ST6GALNAC3: variants seen among roughly 807,000 people sequenced by gnomAD.
The protein encoded by ST6GALNAC3 is alpha-N-acetylgalactosaminide alpha-2,6-sialyltransferase 3.
A neutral mutation model predicts 32.7 loss-of-function variants in ST6GALNAC3; 25 were observed. The observed-to-expected ratio is 0.76, with a 90% CI of 0.56 to 1.07. The LOEUF (loss-of-function observed/expected upper bound fraction) is 1.07. Among genes scored for constraint, ST6GALNAC3 ranks in the 50% least tolerant of loss-of-function variants. ST6GALNAC3 has a pLI of 0.00. For synonymous variants in ST6GALNAC3, 129 were observed against 133.1 expected, an observed-to-expected ratio of 0.97 and a Z score of 0.21; for missense variants, 355 against 382.4, an observed-to-expected ratio of 0.93 and a Z score of 0.60.
intron 2 of ST6GALNAC3, among the ~76,000 whole-genome samples, chr1:76,380,042 C>A (rs149014076): frequency 6.6e-6 from 1 of 152,038 alleles, no homozygotes; most frequent in Non-Finnish European, 1.5e-5. Context: ...AAACATATGG[C>A]AGCTAAGTCA....
intron 3 of ST6GALNAC3, among the ~76,000 whole-genome samples, chr1:76,454,783 A>C (rs764249799): frequency 6.6e-6 from 1 of 152,128 alleles, no homozygotes; most frequent in Non-Finnish European, 1.5e-5. Context: ...TTTTTGCAAT[A>C]AATTTCTCAG....
At chr1:76,209,262 G>A (rs1487243276) in intron 1 of ST6GALNAC3, among the ~76,000 whole-genome samples, 2 of 152,164 alleles carry the variant, frequency 1.3e-5, no homozygotes, top group Non-Finnish European at 2.9e-5. Context: ...TGAAGCCCCT[G>A]AGCTTATGCT....
chr1:76,559,079 G>C (rs908562465), intron 3 of ST6GALNAC3, among the ~76,000 whole-genome samples: 2 of 152,040 alleles, frequency 1.3e-5, no homozygotes, highest in African/African-American at 4.8e-5. Flanking sequence ...AAAATGCATA[G>C]ATAATATATC....
chr1:76,237,319 A>T (rs1656713526), intron 1 of ST6GALNAC3, among the ~76,000 whole-genome samples: 1 of 152,150 alleles, frequency 6.6e-6, no homozygotes, highest in South Asian at 2.1e-4. Flanking sequence ...TTTTCAGTAA[A>T]GGCAGTGTTT....
intron 1 of ST6GALNAC3, among the ~76,000 whole-genome samples, chr1:76,274,457 C>T (rs909747250): frequency 5.3e-5 from 8 of 152,158 alleles, no homozygotes; most frequent in African/African-American, 1.9e-4. Context: ...AGGCATTTCA[C>T]TTTGCTCAAC....
intron 1 of ST6GALNAC3, among the ~76,000 whole-genome samples, chr1:76,090,225 T>C (rs186453084): frequency 9.8e-5 from 15 of 152,358 alleles, no homozygotes; most frequent in African/African-American, 3.1e-4. Context: ...AAACTGATTA[T>C]CTTTTAAAAG....
At chr1:76,474,440 C>T (rs1245690485) in intron 3 of ST6GALNAC3, among the ~76,000 whole-genome samples, 4 of 152,088 alleles carry the variant, frequency 2.6e-5, no homozygotes, top group Non-Finnish European at 5.9e-5. Context: ...ATTACTATGA[C>T]ACTCTGTTTC....
At chr1:76,542,522 C>T (rs1557550364) in intron 3 of ST6GALNAC3, among the ~76,000 whole-genome samples, 2 of 152,160 alleles carry the variant, frequency 1.3e-5, no homozygotes, top group Admixed American at 6.5e-5. Flanking sequence ...CATCAGGCCT[C>T]AGCTACATGG....
intron 1 of ST6GALNAC3, among the ~76,000 whole-genome samples, chr1:76,104,222 G>A (rs1473639220): frequency 6.6e-6 from 1 of 152,068 alleles, no homozygotes; most frequent in Non-Finnish European, 1.5e-5. Context: ...CAGTATATTC[G>A]TACAATTTTT....
At chr1:76,107,098 G>T (rs1218368736) in intron 1 of ST6GALNAC3, among the ~76,000 whole-genome samples, 2 of 152,192 alleles carry the variant, frequency 1.3e-5, no homozygotes, top group African/African-American at 4.8e-5. Context: ...GTGGGGTTGG[G>T]TTGGTCATGG....
chr1:76,545,915 T>C (rs1281480335), intron 3 of ST6GALNAC3, among the ~76,000 whole-genome samples: 1 of 152,226 alleles, frequency 6.6e-6, no homozygotes, highest in Admixed American at 6.5e-5. Context: ...CGCCTCAGCC[T>C]TCCAAAGTGC....
chr1:76,415,307 G>A (rs1372007555), intron 3 of ST6GALNAC3, among the ~76,000 whole-genome samples: 1 of 148,160 alleles, frequency 6.7e-6, no homozygotes, highest in Non-Finnish European at 1.5e-5. Context: ...TATTAGGATT[G>A]CACAATGGTG....
intron 3 of ST6GALNAC3, among the ~76,000 whole-genome samples, chr1:76,504,872 T>G (rs1393101066): frequency 1.3e-5 from 2 of 152,186 alleles, no homozygotes; most frequent in Admixed American, 6.5e-5. Context: ...TCACATGCAC[T>G]GTCATTTTTT....
At chr1:76,157,893 T>G (rs72674453) in intron 1 of ST6GALNAC3, among the ~76,000 whole-genome samples, 54 of 152,336 alleles carry the variant, frequency 3.5e-4, no homozygotes, top group Non-Finnish European at 4.0e-4. Context: ...ATATAGGATA[T>G]GCTATTATGT....
At chr1:76,478,990 C>T (rs529072456) in intron 3 of ST6GALNAC3, among the ~76,000 whole-genome samples, 2 of 151,874 alleles carry the variant, frequency 1.3e-5, no homozygotes, top group African/African-American at 2.4e-5. Context: ...GTCTCGATCT[C>T]CTGACCTTGT....
intron 3 of ST6GALNAC3, among the ~76,000 whole-genome samples, chr1:76,459,563 CAA>C (rs34570106): frequency 6.4e-4 from 81 of 125,924 alleles, no homozygotes; most frequent in Middle Eastern, 4.5e-3. Flanking sequence ...GACTCCATCT[CAA>C]AAAAAAAAAA....
intron 2 of ST6GALNAC3, among the ~76,000 whole-genome samples, chr1:76,329,505 C>T (rs1186696197): frequency 6.6e-6 from 1 of 152,070 alleles, no homozygotes; most frequent in African/African-American, 2.4e-5. Context: ...CACCTTCATG[C>T]CTTAGCTCAA....
chr1:76,505,688 G>C (rs566616770), intron 3 of ST6GALNAC3, among the ~76,000 whole-genome samples: 1 of 152,136 alleles, frequency 6.6e-6, no homozygotes, highest in South Asian at 2.1e-4. Context: ...TAGTCCCTCT[G>C]GCTGTGCATT....
rs561791810 is a variant in ST6GALNAC3, at chr1:76,339,667, A to G, written c.213+25668A>G. ...ATTTATTTGTTCCTTTATTCATTCA[A>G]CAATCATTTATTGAGTGCCTACTAT... On this transcript the variant is annotated intron_variant, in intron 2 of 4. Coordinates refer to ENST00000328299, the MANE Select transcript of ST6GALNAC3 (RefSeq NM_152996.4). Among the ~76,000 whole-genome samples the G allele has an allele frequency of 2.6e-5, 4 of 152,300 alleles. 1 individual carries two copies. The South Asian group carries it at 8.3e-4, about 32-fold the overall frequency.
Sources: allele counts gnomAD v4.1 joint callset (sites outside exome capture counted in the v4.1 genomes callset), GRCh38; gene constraint gnomAD v4.1.1; transcripts MANE v1.5; gene names NCBI Gene and HGNC (gene_info 2026-07-23, HGNC 2026-07-21).